ARHGEF10L: variants seen among roughly 807,000 people sequenced by gnomAD.
ARHGEF10L encodes the protein Rho guanine nucleotide exchange factor 10 like, also known as rho guanine nucleotide exchange factor 10-like protein.
In ARHGEF10L, 69 loss-of-function variants were observed where a neutral mutation model predicts 141.2. That is an observed-to-expected ratio of 0.49 (90% CI 0.40 to 0.60). The LOEUF is 0.60. ARHGEF10L is among the 20% of genes least tolerant of loss of function. The probability of loss-of-function intolerance (pLI) is 0.00; values close to 1 mark genes in which losing one functional copy is unlikely to be tolerated. For missense variants in ARHGEF10L, 1,482 were observed against 1,734.3 expected (o/e 0.85, Z 2.58); for synonymous variants, 711 against 718.5 (o/e 0.99, Z 0.17).
intron 17 of ARHGEF10L, 28 bp from the exon 18 acceptor site, chr1:17,634,807 C>A: frequency 6.3e-7 from 1 of 1,593,084 alleles, no homozygotes; most frequent in Non-Finnish European, 8.6e-7. Context: ...GCAGCCTCTC[C>A]AGGGCCTTGT....
intron 25 of ARHGEF10L, among the ~76,000 whole-genome samples, chr1:17,659,571 C>T (rs1474737354): frequency 4.6e-5 from 7 of 152,222 alleles, no homozygotes; most frequent in Non-Finnish European, 1.0e-4. Flanking sequence ...GAACTGCACC[C>T]GCATCAACCT....
At chr1:17,579,712 CA>C (rs1451531008) in intron 1 of ARHGEF10L, among the ~76,000 whole-genome samples, 4 of 152,130 alleles carry the variant, frequency 2.6e-5, no homozygotes, top group African/African-American at 4.8e-5. Context: ...CAGATTAGAC[CA>C]GGGGGCTGGG....
chr1:17,537,224 A>G (rs938570419), upstream of ARHGEF10L, among the ~76,000 whole-genome samples: 4 of 152,162 alleles, frequency 2.6e-5, no homozygotes, highest in African/African-American at 9.7e-5. Flanking sequence ...AAATCTCCCA[A>G]TGATTAAATG....
chr1:17,608,651 CTGT>C (rs2081391252), intron 7 of ARHGEF10L, among the ~76,000 whole-genome samples: 1 of 152,170 alleles, frequency 6.6e-6, no homozygotes, highest in Non-Finnish European at 1.5e-5. Context: ...TGCTCCTTCC[CTGT>C]TGTTCTGCGG....
chr1:17,574,754 C>T (rs1249262601), intron 1 of ARHGEF10L, among the ~76,000 whole-genome samples: 1 of 152,238 alleles, frequency 6.6e-6, no homozygotes, highest in Non-Finnish European at 1.5e-5. Context: ...CCAGGTGGCC[C>T]TTTGCGCTGA....
In ARHGEF10L at chr1:17,697,848, A is replaced by C. The variant is rs2065614268; in HGVS notation, c.*468A>C. On this transcript the variant is annotated 3_prime_UTR_variant, in exon 29 of 29. Transcript: ENST00000361221. The surrounding 1 kb of genome is among the most constrained non-coding windows in gnomAD (Gnocchi z 4.8). ...TGGAGCTCTGGGAGATGCTGGAATA[A>C]AAGACAAGAGTTACATCTGGACTTG... 4.2e-6 allele frequency: 1 copy of C among 235,714 alleles called. No homozygotes were observed. The highest frequency in any genetic ancestry group is 9.0e-6 in the Non-Finnish European group (1 of 111,588). 14.6% of individuals were successfully genotyped at this position (235,714 alleles called of 1,614,324 possible).
intron 16 of ARHGEF10L, among the ~76,000 whole-genome samples, chr1:17,632,958 C>T (rs116447936): frequency 0.023 from 3,574 of 152,272 alleles, 152 homozygotes; most frequent in African/African-American, 0.082. Context: ...GCCCAAAGCC[C>T]GGCTGCTGGG....
At chr1:17,524,205 G>A in the ARHGEF10L span, among the ~76,000 whole-genome samples, 1 of 151,974 alleles carries the variant, frequency 6.6e-6, no homozygotes, top group African/African-American at 2.4e-5. Context: ...CCTGGGAGGT[G>A]GAGGTTGCAG....
At chr1:17,677,050 T>C (rs2063768208) in intron 26 of ARHGEF10L, among the ~76,000 whole-genome samples, 1 of 152,074 alleles carries the variant, frequency 6.6e-6, no homozygotes, top group African/African-American at 2.4e-5. Flanking sequence ...CCGGCAGGCA[T>C]GGACGCTCCA....
In ARHGEF10L at chr1:17,602,151, G is replaced by A. The variant is rs781479542; in HGVS notation, c.282G>A (p.Gly94=). ...GGGTGCCAGCCTGGGTGAGCAATGGGGATGCAGCGGACGCAGCCTTCTCCG... is the reference window on the plus strand; with the variant it reads ...GGGTGCCAGCCTGGGTGAGCAATGGAGATGCAGCGGACGCAGCCTTCTCCG... ...GTGVPAWVSN[G]DAADAAFSGA... The change falls in exon 5 of 29, where the codon GGG becomes GGA. Residue 94 remains glycine (G), a synonymous_variant. Transcript: ENST00000361221. The A allele has an allele frequency of 4.9e-5, 77 of 1,579,338 alleles. No homozygotes were observed. The highest frequency in any genetic ancestry group is 6.4e-5 in the Non-Finnish European group (74 of 1,162,496).
chr1:17,693,984 C>T (rs544062967), intron 27 of ARHGEF10L: 6 of 152,366 alleles, frequency 3.9e-5, no homozygotes, highest in African/African-American at 1.4e-4. Flanking sequence ...CCCCACGCCT[C>T]TCAGCCCCCT....
At position 17,587,600 on chromosome 1, in the gene ARHGEF10L, G is replaced by T; in HGVS notation, c.178G>T (p.Asp60Tyr). Residue 60 changes from aspartate to tyrosine, a missense_variant, in exon 3 of 29, where the codon GAC (aspartate) becomes TAC (tyrosine). This residue lies in a region of ARHGEF10L where 232 missense variants were observed against 225.9 expected (regional missense o/e 1.03). Coordinates refer to ENST00000361221, the MANE Select transcript of ARHGEF10L (RefSeq NM_018125.4). ...CGTCCCCAGCCTTGCTCCTGAGAGGGACACAGACCCCCCACTGATCCACTT... is the reference window on the plus strand; with the variant it reads ...CGTCCCCAGCCTTGCTCCTGAGAGGTACACAGACCCCCCACTGATCCACTT... ...LGVPSLAPERDTDPPLIHLDS... is the reference protein window; with the variant it reads ...LGVPSLAPERYTDPPLIHLDS... The T allele has an allele frequency of 6.2e-7, 1 of 1,614,100 alleles. No homozygotes were observed. The highest frequency in any genetic ancestry group is 1.1e-5 in the South Asian group (1 of 91,070).
chr1:17,549,631 C>G (rs1189922688), intron 1 of ARHGEF10L, among the ~76,000 whole-genome samples: 1 of 152,110 alleles, frequency 6.6e-6, no homozygotes, highest in Non-Finnish European at 1.5e-5. Context: ...GCCCTGAGGC[C>G]AGATGAACTT....
chr1:17,658,788 G>A (rs1366149468), intron 25 of ARHGEF10L, among the ~76,000 whole-genome samples: 2 of 152,098 alleles, frequency 1.3e-5, no homozygotes, highest in Non-Finnish European at 2.9e-5. Flanking sequence ...AAAGGAAAGA[G>A]TGTTGTGTGA....
chr1:17,632,223 A>G, intron 15 of ARHGEF10L, 98 bp from the exon 16 acceptor site: 12 of 1,489,372 alleles, frequency 8.1e-6, no homozygotes, highest in Non-Finnish European at 1.1e-5. Flanking sequence ...TCCCAGCCTC[A>G]GTCTCCCTTT....
chr1:17,603,588 C>T lies in ARHGEF10L; in HGVS notation c.430C>T (p.Pro144Ser), dbSNP rs1462380171. The change falls in exon 6 of 29, where the codon CCC becomes TCC. Residue 144 changes from proline (P) to serine (S), a missense_variant. Coordinates refer to ENST00000361221, the MANE Select transcript of ARHGEF10L (RefSeq NM_018125.4). This position sits in a 1 kb window ranked among gnomAD's most constrained non-coding sequence, Gnocchi z 4.8. ...CTGCGAGAGCCCAGATGCGCATCAGCCCGGTATGATGTCTGCAGTGCTTCC... is the reference window on the plus strand; with the variant it reads ...CTGCGAGAGCCCAGATGCGCATCAGTCCGGTATGATGTCTGCAGTGCTTCC... ...VPCESPDAHQ[P>S]GAERNLLYED... is the part of the protein sequence containing the mutation. 1 of 1,612,080 alleles carries T rather than the reference C, an allele frequency of 6.2e-7. No homozygotes were observed. Among genetic ancestry groups the T allele is most frequent in the Non-Finnish European group, 8.5e-7 (1 of 1,179,066 alleles).
chr1:17,697,557 GA>G lies in ARHGEF10L; in HGVS notation c.*178del, dbSNP rs1203179980. The G allele has an allele frequency of 1.4e-5, 12 of 870,550 alleles. No individual in the cohort carries two copies. The African/African-American group carries it at 1.7e-4, about 12-fold the overall frequency. The allele number at this position is 870,550 out of a possible 1,614,324, so 53.9% of individuals were successfully genotyped here. ...AAAATTTTTTTCAGAGTGTTTTGGG[GA>G]GGAGTTTTAGGGCTTGGGGAGAGGG... On this transcript the variant is annotated 3_prime_UTR_variant, in exon 29 of 29. Coordinates refer to ENST00000361221, the MANE Select transcript of ARHGEF10L (RefSeq NM_018125.4). This position sits in a 1 kb window ranked among gnomAD's most constrained non-coding sequence, Gnocchi z 4.8.
At position 17,591,898 on chromosome 1, in the gene ARHGEF10L, T is replaced by C. The variant is rs114632615; in HGVS notation, c.257+3419T>C. Among the ~76,000 whole-genome samples, 284 of 152,318 alleles carry C rather than the reference T, an allele frequency of 1.9e-3. 1 individual carries two copies. Among genetic ancestry groups the C allele is most frequent in the African/African-American group, 6.5e-3 (271 of 41,566 alleles). On this transcript the variant is annotated intron_variant, in intron 4 of 28. Coordinates refer to ENST00000361221, the MANE Select transcript of ARHGEF10L (RefSeq NM_018125.4). ...TAGGAGCCCTAGAAGACAGGTACTATTGAATATGCCCATTTTGCAGATGAG... is the reference window on the plus strand; with the variant it reads ...TAGGAGCCCTAGAAGACAGGTACTACTGAATATGCCCATTTTGCAGATGAG...
intron 1 of ARHGEF10L, among the ~76,000 whole-genome samples, chr1:17,540,799 T>G (rs2076697641): frequency 6.6e-6 from 1 of 152,144 alleles, no homozygotes. Flanking sequence ...GTCCTTGGCC[T>G]CCCTTAAGGA....
Sources: allele counts gnomAD v4.1 joint callset (sites outside exome capture counted in the v4.1 genomes callset), GRCh38; gene constraint gnomAD v4.1.1; regional missense constraint gnomAD v4.1.1; non-coding constraint Gnocchi (gnomAD v3.1); transcripts MANE v1.5; gene names NCBI Gene and HGNC (gene_info 2026-07-23, HGNC 2026-07-21).